CGGBP1: variants seen among roughly 807,000 people sequenced by gnomAD.
CGGBP1 encodes CGG triplet repeat-binding protein 1.
Under a neutral mutation model 11.4 loss-of-function variants are expected in CGGBP1, and 4 were observed. The observed-to-expected ratio is 0.35, with a 90% CI of 0.17 to 0.80. The LOEUF (loss-of-function observed/expected upper bound fraction) is 0.80, where lower values mean the gene tolerates loss of function less well. Ranked by LOEUF, CGGBP1 falls within the 30% of genes least tolerant of loss-of-function variation. The probability of loss-of-function intolerance (pLI) is 0.52; values close to 1 mark genes in which losing one functional copy is unlikely to be tolerated. For missense variants in CGGBP1, 135 were observed against 202.1 expected, an observed-to-expected ratio of 0.67 and a Z score of 2.01; for synonymous variants, 76 against 74.1, an observed-to-expected ratio of 1.03 and a Z score of -0.13.
At chr3:88,075,482 T>C (rs1223974494) in intron 2 of CGGBP1, among the ~76,000 whole-genome samples, 1 of 152,224 alleles carries the variant, frequency 6.6e-6, no homozygotes, top group Non-Finnish European at 1.5e-5. Flanking sequence ...GTACCTAAAG[T>C]GGAACTACTT....
At chr3:88,063,752 A>C (rs73844848), upstream of CGGBP1, among the ~76,000 whole-genome samples, 1,276 of 152,296 alleles carry the variant, frequency 8.4e-3, 13 homozygotes, top group African/African-American at 0.028. Flanking sequence ...ATTATGTAAA[A>C]AAATCTTGAA....
At chr3:88,135,170 A>C in intron 2 of CGGBP1, 1 of 1,482,144 alleles carries the variant, frequency 6.7e-7, no homozygotes, top group Non-Finnish European at 8.9e-7. Flanking sequence ...TGTGAGAGTC[A>C]TATTTCCTTT....
At chr3:88,141,418 A>T (rs1390283885) in intron 1 of CGGBP1, among the ~76,000 whole-genome samples, 7 of 152,120 alleles carry the variant, frequency 4.6e-5, no homozygotes, top group Non-Finnish European at 7.4e-5. Context: ...ATTATTTTTC[A>T]TATGCATTCC....
intron 2 of CGGBP1, among the ~76,000 whole-genome samples, chr3:88,110,735 A>AC (rs1240733665): frequency 6.6e-6 from 1 of 152,138 alleles, no homozygotes; most frequent in Non-Finnish European, 1.5e-5. Flanking sequence ...GACTATTTAT[A>AC]CAGTCAATAG....
chr3:88,059,398 C>G, upstream of CGGBP1: 1 of 1,534,216 alleles, frequency 6.5e-7, no homozygotes, highest in Non-Finnish European at 8.7e-7. Flanking sequence ...CCCGCTGGGC[C>G]CTGTGGGGCT....
chr3:88,092,734 A>G (rs1459885956), intron 2 of CGGBP1, among the ~76,000 whole-genome samples: 1 of 152,208 alleles, frequency 6.6e-6, no homozygotes, highest in Non-Finnish European at 1.5e-5. Flanking sequence ...TATATGTATA[A>G]CATTTACAAA....
intron 2 of CGGBP1, among the ~76,000 whole-genome samples, chr3:88,077,119 A>G (rs1040337296): frequency 3.9e-5 from 6 of 152,286 alleles, no homozygotes; most frequent in African/African-American, 1.2e-4. Flanking sequence ...GAAAAGAGAA[A>G]ATGTTTGCCC....
chr3:88,108,219 A>G (rs928373096), intron 2 of CGGBP1, among the ~76,000 whole-genome samples: 2 of 150,138 alleles, frequency 1.3e-5, no homozygotes, highest in African/African-American at 4.9e-5. Context: ...TTTTTTTCCT[A>G]TTTCTACTTA....
chr3:88,073,470 A>G (rs1192797084), intron 2 of CGGBP1, among the ~76,000 whole-genome samples: 2 of 152,202 alleles, frequency 1.3e-5, no homozygotes, highest in Non-Finnish European at 2.9e-5. Context: ...AGTCTACATA[A>G]AAAAAGTAAG....
At chr3:88,101,981 C>T (rs1390428243) in intron 2 of CGGBP1, among the ~76,000 whole-genome samples, 2 of 151,686 alleles carry the variant, frequency 1.3e-5, no homozygotes, top group Non-Finnish European at 2.9e-5. Context: ...ATTTTTTTGC[C>T]CATTTTTAAA....
chr3:88,074,077 A>T (rs1707664116), intron 2 of CGGBP1, among the ~76,000 whole-genome samples: 1 of 152,188 alleles, frequency 6.6e-6, no homozygotes, highest in South Asian at 2.1e-4. Flanking sequence ...CAAAAATAAG[A>T]ATCTACCAGA....
chr3:88,094,964 T>A (rs1424492851), intron 2 of CGGBP1, among the ~76,000 whole-genome samples: 1 of 152,264 alleles, frequency 6.6e-6, no homozygotes, highest in Admixed American at 6.5e-5. Flanking sequence ...AGAAAACTTA[T>A]GAGAAATTAT....
chr3:88,119,390 T>G (rs1417108168), intron 2 of CGGBP1, among the ~76,000 whole-genome samples: 1 of 41,958 alleles, frequency 2.4e-5, no homozygotes, highest in African/African-American at 1.0e-4. Context: ...TGTTGTGGGG[T>G]GGGGGGAGGG....
chr3:88,075,154 T>C (rs1707730355), intron 2 of CGGBP1, among the ~76,000 whole-genome samples: 1 of 152,256 alleles, frequency 6.6e-6, no homozygotes, highest in South Asian at 2.1e-4. Context: ...TTCTGTTTCT[T>C]CTGTGTTTTC....
chr3:88,073,213 T>G (rs1373353307), intron 2 of CGGBP1, among the ~76,000 whole-genome samples: 1 of 152,166 alleles, frequency 6.6e-6, no homozygotes, highest in East Asian at 1.9e-4. Flanking sequence ...TCCGGAACTG[T>G]GGGACTAGGG....
At chr3:88,131,443 A>T (rs1422220498) in intron 2 of CGGBP1, among the ~76,000 whole-genome samples, 5 of 152,216 alleles carry the variant, frequency 3.3e-5, no homozygotes, top group African/African-American at 1.2e-4. Context: ...GAGCTATATC[A>T]CACTATTTAA....
At chr3:88,063,128 A>G (rs761817364), upstream of CGGBP1, among the ~76,000 whole-genome samples, 2 of 152,142 alleles carry the variant, frequency 1.3e-5, no homozygotes, top group Non-Finnish European at 2.9e-5. Flanking sequence ...GATTGTCATG[A>G]TTGAGGTTTG....
intron 2 of CGGBP1, among the ~76,000 whole-genome samples, chr3:88,064,243 A>T (rs1707067323): frequency 6.6e-6 from 1 of 152,088 alleles, no homozygotes; most frequent in Non-Finnish European, 1.5e-5. Context: ...TATATTTATA[A>T]GTAATTTTTT....
intron 2 of CGGBP1, among the ~76,000 whole-genome samples, chr3:88,104,759 GGAA>G (rs1046824215): frequency 6.6e-6 from 1 of 152,266 alleles, no homozygotes; most frequent in South Asian, 2.1e-4. Flanking sequence ...CAAAGAAGGA[GGAA>G]GAAGAGGTCA....
Sources: gnomAD v4.1 joint callset for allele counts (sites outside exome capture counted in the v4.1 genomes callset) on GRCh38, gnomAD v4.1.1 for gene constraint, MANE v1.5 for transcripts, NCBI Gene and HGNC (gene_info 2026-07-23, HGNC 2026-07-21) for gene names.